Variants in PRR16 observed in about 807,000 individuals in gnomAD.
The protein encoded by PRR16 is proline rich 16.
PRR16 carries 6 observed loss-of-function variants against 18.2 expected under a neutral mutation model. The observed-to-expected ratio is 0.33, with a 90% CI of 0.18 to 0.65. The LOEUF (loss-of-function observed/expected upper bound fraction) is 0.65, where lower values mean the gene tolerates loss of function less well. PRR16 is among the 30% of genes least tolerant of loss of function. The pLI is 0.74. For missense variants in PRR16, 412 were observed against 376.6 expected (o/e 1.09, Z -0.78); for synonymous variants, 151 against 147.8 (o/e 1.02, Z -0.16).
intron 1 of PRR16, among the ~76,000 whole-genome samples, chr5:120,537,986 C>T (rs1175884370): frequency 6.6e-6 from 1 of 151,432 alleles, no homozygotes; most frequent in South Asian, 2.1e-4. Context: ...CCGTTTTAGC[C>T]GGGATGGTCT....
chr5:120,597,632 C>G (rs1465032324), intron 1 of PRR16, among the ~76,000 whole-genome samples: 1 of 151,706 alleles, frequency 6.6e-6, no homozygotes, highest in Non-Finnish European at 1.5e-5. Context: ...TTCAAGGATT[C>G]TGTTCTCTTG....
At chr5:120,562,997 A>G (rs1028668049) in intron 1 of PRR16, among the ~76,000 whole-genome samples, 2 of 152,078 alleles carry the variant, frequency 1.3e-5, no homozygotes, top group Non-Finnish European at 2.9e-5. Flanking sequence ...ATGATTTTCT[A>G]TTGCTATTAA....
chr5:120,563,849 T>G (rs956373065), intron 1 of PRR16, among the ~76,000 whole-genome samples: 2 of 152,160 alleles, frequency 1.3e-5, no homozygotes, highest in African/African-American at 4.8e-5. Flanking sequence ...CCACCATAGC[T>G]GGGAATGTGC....
the PRR16 span, among the ~76,000 whole-genome samples, chr5:120,755,162 C>T: frequency 6.6e-6 from 1 of 150,978 alleles, no homozygotes; most frequent in Non-Finnish European, 1.5e-5. Context: ...GCACGTTGTG[C>T]ACATGTACCC....
At chr5:120,591,386 A>G (rs73254030) in intron 1 of PRR16, among the ~76,000 whole-genome samples, 10,595 of 152,148 alleles carry the variant, frequency 0.07, 1,005 homozygotes, top group African/African-American at 0.21. Flanking sequence ...TGTATATTCC[A>G]TATATCCCTC....
At chr5:120,606,412 T>C (rs1754155785) in intron 1 of PRR16, among the ~76,000 whole-genome samples, 1 of 152,228 alleles carries the variant, frequency 6.6e-6, no homozygotes, top group Admixed American at 6.5e-5. Context: ...ATCACATTGA[T>C]TTATCACCTG....
intron 1 of PRR16, among the ~76,000 whole-genome samples, chr5:120,563,106 CT>C (rs574842576): frequency 3.3e-5 from 5 of 152,074 alleles, no homozygotes; most frequent in African/African-American, 4.8e-5. Context: ...CTGGGAAGGT[CT>C]TTATTTCTTC....
At chr5:120,775,633 T>A in the PRR16 span, among the ~76,000 whole-genome samples, 3 of 135,898 alleles carry the variant, frequency 2.2e-5, no homozygotes, top group Non-Finnish European at 4.9e-5. Context: ...TTCTTTCTCC[T>A]TTTTTTTTTT....
chr5:120,524,441 C>T (rs966752627), intron 1 of PRR16, among the ~76,000 whole-genome samples: 40 of 152,082 alleles, frequency 2.6e-4, no homozygotes, highest in African/African-American at 9.4e-4. Flanking sequence ...TGCAGATACA[C>T]ATTTTTTTCA....
the PRR16 span, among the ~76,000 whole-genome samples, chr5:120,758,056 C>G: frequency 3.3e-5 from 5 of 151,824 alleles, no homozygotes; most frequent in African/African-American, 7.3e-5. Context: ...ACATGTTACT[C>G]TATTATTCTT....
chr5:120,464,314 C>T lies in PRR16; in HGVS notation c.-173C>T, dbSNP rs539663256. On this transcript the variant is annotated 5_prime_UTR_variant, in exon 1 of 2. Transcript: ENST00000407149. The stretch of plus-strand genomic sequence containing the variant: ...CGCGTCTCGGGAGTTGATGGCAGCA[C>T]CACTGTGCGGCCGCCCGGCCGAGCG... The T allele has an allele frequency of 2.8e-4, 163 of 587,852 alleles. No individual in the cohort carries two copies. The highest frequency in any genetic ancestry group is 2.3e-3 in the South Asian group (66 of 28,844). 36.4% of individuals were successfully genotyped at this position (587,852 alleles called of 1,614,324 possible). A position where few individuals can be genotyped will look rare whatever the true frequency, so the allele number is the denominator to read the frequency against.
At chr5:120,628,696 A>G (rs1268587031) in intron 1 of PRR16, among the ~76,000 whole-genome samples, 1 of 5,680 alleles carries the variant, frequency 1.8e-4, no homozygotes, top group South Asian at 3.9e-3. Flanking sequence ...TCATTCTACC[A>G]TCTATCTATC....
At chr5:120,505,086 G>C (rs182638574) in intron 1 of PRR16, among the ~76,000 whole-genome samples, 11 of 152,054 alleles carry the variant, frequency 7.2e-5, no homozygotes, top group African/African-American at 2.7e-4. Flanking sequence ...TACTAAAAAA[G>C]AATTTCATGT....
chr5:120,581,656 A>G (rs1266909770), intron 1 of PRR16, among the ~76,000 whole-genome samples: 1 of 152,094 alleles, frequency 6.6e-6, no homozygotes, highest in Non-Finnish European at 1.5e-5. Flanking sequence ...ATGGGCATTT[A>G]GTGCTATAAA....
the PRR16 span, among the ~76,000 whole-genome samples, chr5:120,718,683 C>G: frequency 6.6e-6 from 1 of 152,058 alleles, no homozygotes; most frequent in Non-Finnish European, 1.5e-5. Flanking sequence ...TCCAGGAAAG[C>G]CATCACTCAT....
At chr5:120,651,460 A>G (rs1052677505) in intron 1 of PRR16, among the ~76,000 whole-genome samples, 1 of 152,128 alleles carries the variant, frequency 6.6e-6, no homozygotes, top group African/African-American at 2.4e-5. Flanking sequence ...TTATGGTTTT[A>G]GGTCTAACAT....
intron 1 of PRR16, among the ~76,000 whole-genome samples, chr5:120,610,382 A>T (rs1313874035): frequency 6.6e-6 from 1 of 150,682 alleles, no homozygotes; most frequent in Non-Finnish European, 1.5e-5. Context: ...TTAAATAATA[A>T]ATATTTATTT....
chr5:120,656,679 A>G (rs560760490), intron 1 of PRR16, among the ~76,000 whole-genome samples: 1 of 151,984 alleles, frequency 6.6e-6, no homozygotes, highest in East Asian at 1.9e-4. Flanking sequence ...CACTTCTATA[A>G]TTTTTGTGTC....
At chr5:120,695,302 T>C in the PRR16 span, among the ~76,000 whole-genome samples, 1 of 152,316 alleles carries the variant, frequency 6.6e-6, no homozygotes, top group Admixed American at 6.5e-5. Context: ...AGTGGACTTA[T>C]CAGTTATTAG....
Sources: allele counts gnomAD v4.1 joint callset (sites outside exome capture counted in the v4.1 genomes callset), GRCh38; gene constraint gnomAD v4.1.1; transcripts MANE v1.5; gene names NCBI Gene and HGNC (gene_info 2026-07-23, HGNC 2026-07-21).